Variants in SNTB1 observed in about 807,000 individuals in gnomAD.
SNTB1 encodes the protein beta-1-syntrophin.
A neutral mutation model predicts 48.9 loss-of-function variants in SNTB1; 36 were observed. The observed-to-expected ratio is 0.74, with a 90% CI of 0.56 to 0.97. The LOEUF (loss-of-function observed/expected upper bound fraction) is 0.97. Among genes scored for constraint, SNTB1 ranks in the 50% least tolerant of loss-of-function variants. The pLI is 0.00. For synonymous variants in SNTB1, 299 were observed against 294.6 expected (o/e 1.01, Z -0.15); for missense variants, 786 against 703.4 (o/e 1.12, Z -1.33).
At chr8:120,610,170 T>A (rs1239606229) in intron 3 of SNTB1, among the ~76,000 whole-genome samples, 1 of 152,216 alleles carries the variant, frequency 6.6e-6, no homozygotes, top group African/African-American at 2.4e-5. Flanking sequence ...ATAGTCTCAC[T>A]CTGTTGCCCA....
At chr8:120,772,542 C>T (rs1245470497) in intron 1 of SNTB1, among the ~76,000 whole-genome samples, 2 of 152,182 alleles carry the variant, frequency 1.3e-5, no homozygotes, top group Admixed American at 6.5e-5. Flanking sequence ...CCACCATGCC[C>T]AGCCAGGGGC....
intron 1 of SNTB1, among the ~76,000 whole-genome samples, chr8:120,765,328 T>C (rs1208400494): frequency 1.3e-5 from 2 of 152,196 alleles, no homozygotes; most frequent in Non-Finnish European, 2.9e-5. Context: ...AATTTGTGGG[T>C]AGGGATTCCA....
rs145637995 is a variant in SNTB1, at chr8:120,560,223, G to A, written c.1137-11265C>T. ...CTGGGCCGGGTGCGGTGGCTCATGC[G>A]TGTAATCCCATCACTTTGGGAGGCC... On this transcript the variant is annotated intron_variant, in intron 4 of 6. Transcript: ENST00000517992. 6.1e-3 allele frequency among the ~76,000 whole-genome samples: 936 copies of A among 152,204 alleles called. 10 individuals are homozygous for A. The highest frequency in any genetic ancestry group is 0.018 in the African/African-American group (766 of 41,540).
At chr8:120,577,278 A>G (rs976022699) in intron 3 of SNTB1, among the ~76,000 whole-genome samples, 1 of 152,226 alleles carries the variant, frequency 6.6e-6, no homozygotes, top group African/African-American at 2.4e-5. Context: ...CTGTAAAGCT[A>G]TTTATGCTGG....
At chr8:120,736,038 C>T (rs967501119) in intron 1 of SNTB1, among the ~76,000 whole-genome samples, 1 of 151,904 alleles carries the variant, frequency 6.6e-6, no homozygotes, top group Admixed American at 6.6e-5. Context: ...GCTGGAGAGG[C>T]CTCAGGAAAT....
chr8:120,545,654 A>G (rs909806186), intron 5 of SNTB1, among the ~76,000 whole-genome samples: 7 of 152,230 alleles, frequency 4.6e-5, no homozygotes, highest in African/African-American at 1.7e-4. Context: ...GAGCCGTACA[A>G]CAGGGCTTTC....
Position 120,683,708 on chromosome 8 carries a change from C to A in SNTB1, c.788+9984G>T, listed in dbSNP as rs78473641. 9.5e-4 allele frequency among the ~76,000 whole-genome samples: 145 copies of A among 152,274 alleles called. 2 individuals are homozygous for A. In the East Asian group the frequency reaches 0.011, roughly 12 times the overall value. ...GAAATCTCAAAGGGCTTAAAAATGT[C>A]TGTGAAAGAATGTCTTACAAAATAA... is the stretch of plus-strand genomic sequence containing the variant. On this transcript the variant is annotated intron_variant, in intron 2 of 6. Coordinates refer to ENST00000517992, the MANE Select transcript of SNTB1 (RefSeq NM_021021.4).
At chr8:120,601,164 A>G (rs1816415803) in intron 3 of SNTB1, among the ~76,000 whole-genome samples, 1 of 152,050 alleles carries the variant, frequency 6.6e-6, no homozygotes. Flanking sequence ...CACTCTGCGG[A>G]ATAATCCAAA....
chr8:120,651,856 GA>G (rs1453698278), intron 2 of SNTB1, among the ~76,000 whole-genome samples: 23 of 152,136 alleles, frequency 1.5e-4, no homozygotes, highest in African/African-American at 5.3e-4. Flanking sequence ...AGAGTGGAGC[GA>G]AAAAAGAGCC....
chr8:120,731,454 A>G (rs1054685322), intron 1 of SNTB1, among the ~76,000 whole-genome samples: 1 of 152,200 alleles, frequency 6.6e-6, no homozygotes, highest in African/African-American at 2.4e-5. Flanking sequence ...AAACAGGATC[A>G]ATAGGAACAA....
At chr8:120,573,950 C>T (rs538305493) in intron 4 of SNTB1, among the ~76,000 whole-genome samples, 2 of 152,280 alleles carry the variant, frequency 1.3e-5, no homozygotes, top group Admixed American at 6.5e-5. Context: ...AGTTTGAAAT[C>T]AGGAAGTGTG....
At chr8:120,745,460 C>A (rs920075879) in intron 1 of SNTB1, among the ~76,000 whole-genome samples, 1 of 152,064 alleles carries the variant, frequency 6.6e-6, no homozygotes, top group South Asian at 2.1e-4. Context: ...AGAAGAGAAG[C>A]AGAATTACAT....
At chr8:120,725,610 C>T (rs1030156137) in intron 1 of SNTB1, among the ~76,000 whole-genome samples, 1 of 152,088 alleles carries the variant, frequency 6.6e-6, no homozygotes, top group Non-Finnish European at 1.5e-5. Context: ...ATGGCAAAAA[C>T]CACAATTAAT....
At chr8:120,567,602 TTG>T (rs1473432939) in intron 4 of SNTB1, among the ~76,000 whole-genome samples, 1 of 151,930 alleles carries the variant, frequency 6.6e-6, no homozygotes, top group Non-Finnish European at 1.5e-5. Flanking sequence ...TTTTTATTTT[TTG>T]TAGAGACGGA....
intron 1 of SNTB1, among the ~76,000 whole-genome samples, chr8:120,804,018 C>T (rs1820281131): frequency 6.6e-6 from 1 of 152,104 alleles, no homozygotes; most frequent in Non-Finnish European, 1.5e-5. Context: ...TTAAATGTTT[C>T]CTAGGTCTAT....
In SNTB1 at chr8:120,632,568, C is replaced by T; in HGVS notation, c.872G>A (p.Ser291Asn). 6.2e-7 allele frequency: 1 copy of T among 1,614,168 alleles called. No individual in the cohort carries two copies. Among genetic ancestry groups the T allele is most frequent in the Non-Finnish European group, 8.5e-7 (1 of 1,180,020 alleles). The change falls in exon 3 of 7, where the codon AGT becomes AAT. Residue 291 changes from serine (S) to asparagine (N), a missense_variant. Transcript: ENST00000517992. ...GTCATTAACGTTGGAATGGATGGCA[C>T]TGAACCATGCCTGGGCCGTGGCTGA... ...KDSATAQAWF[S>N]AIHSNVNDLL...
intron 1 of SNTB1, among the ~76,000 whole-genome samples, chr8:120,719,746 A>G (rs1587113152): frequency 1.3e-5 from 2 of 152,170 alleles, no homozygotes; most frequent in Non-Finnish European, 2.9e-5. Context: ...GATGTAGGGA[A>G]AGAGAGACAG....
chr8:120,673,518 T>C (rs1397352349), intron 2 of SNTB1, among the ~76,000 whole-genome samples: 2 of 152,150 alleles, frequency 1.3e-5, no homozygotes, highest in Admixed American at 1.3e-4. Context: ...CTCAAGCTCC[T>C]GACCTCAGGT....
chr8:120,734,242 G>A (rs906999856), intron 1 of SNTB1, among the ~76,000 whole-genome samples: 4 of 152,060 alleles, frequency 2.6e-5, no homozygotes, highest in African/African-American at 4.8e-5. Flanking sequence ...TCAGGAGGTG[G>A]AGACCAGCCT....
Sources: allele counts gnomAD v4.1 joint callset (sites outside exome capture counted in the v4.1 genomes callset), GRCh38; gene constraint gnomAD v4.1.1; transcripts MANE v1.5; gene names NCBI Gene and HGNC (gene_info 2026-07-23, HGNC 2026-07-21).